Variants in DRC3 observed in about 807,000 individuals in gnomAD.
The protein encoded by DRC3 is leucine rich repeat containing 48.
A neutral mutation model predicts 57.6 loss-of-function variants in DRC3; 45 were observed. The ratio of observed to expected loss-of-function variants is 0.78; its 90% CI spans 0.62 to 1.00. DRC3 has a LOEUF of 1.00. Among genes scored for constraint, DRC3 ranks in the 50% least tolerant of loss-of-function variants. DRC3 has a pLI of 0.00. For synonymous variants in DRC3, 257 were observed against 272.3 expected, an observed-to-expected ratio of 0.94 and a Z score of 0.55; for missense variants, 655 against 675.2, an observed-to-expected ratio of 0.97 and a Z score of 0.33.
chr17:17,993,859 C>T (rs1307361693), intron 6 of DRC3: 9 of 185,190 alleles, frequency 4.9e-5, no homozygotes, highest in Admixed American at 2.2e-4. Flanking sequence ...GCCAGACCCT[C>T]GTGACCAGCC....
Position 17,972,982 on chromosome 17 carries a change from C to A in DRC3, c.-129+8C>A, listed in dbSNP as rs11078409. 1 of 152,070 alleles carries A rather than the reference C, an allele frequency of 6.6e-6. No homozygotes were observed. The highest frequency in any genetic ancestry group is 1.9e-4 in the East Asian group (1 of 5,138). The allele number at this position is 152,070 out of a possible 1,614,324, so 9.4% of individuals were successfully genotyped here. ...TTCCCAGCGCTTGAGAAGGTGAGAC[C>A]TGGGAGCTGAGGCTCCCGGAGGACT... On this transcript the variant is annotated splice_region_variant and intron_variant, in intron 1 of 13. Transcript: ENST00000399187.
intron 10 of DRC3, chr17:18,004,733 T>A (rs2043882512): frequency 2.0e-6 from 1 of 488,280 alleles, no homozygotes. Context: ...ATGGTCCCCC[T>A]ATCCTGGAAG....
At chr17:17,980,655 C>T (rs918878509) in intron 3 of DRC3, among the ~76,000 whole-genome samples, 7 of 140,632 alleles carry the variant, frequency 5.0e-5, no homozygotes, top group Admixed American at 3.8e-4. Flanking sequence ...AGTGCAGTGG[C>T]ACGATCTAGG....
At chr17:18,009,678 G>A (rs2044102045) in intron 12 of DRC3, among the ~76,000 whole-genome samples, 1 of 152,168 alleles carries the variant, frequency 6.6e-6, no homozygotes, top group Non-Finnish European at 1.5e-5. Context: ...AATGTCTACT[G>A]TATAGCAAGA....
intron 5 of DRC3, among the ~76,000 whole-genome samples, chr17:17,991,284 C>CTTTTTTTTT (rs751138192): frequency 1.6e-4 from 12 of 74,002 alleles, no homozygotes; most frequent in East Asian, 4.4e-4. Flanking sequence ...TGAAGTATTG[C>CTTTTTTTTT]TTTTTTTTTT....
chr17:17,989,689 C>G (rs974729926), intron 5 of DRC3: 1 of 152,240 alleles, frequency 6.6e-6, no homozygotes, highest in African/African-American at 2.4e-5. Flanking sequence ...TCGGAAGTGT[C>G]CAGAATGCCT....
In DRC3 at chr17:17,992,872, C is replaced by G; in HGVS notation, c.552C>G (p.Asp184Glu). The change falls in exon 6 of 14, where the codon GAC becomes GAG. Residue 184 changes from aspartate (D) to glutamate (E), a missense_variant. Asp to Glu is a conservative substitution (Grantham distance 45). Transcript: ENST00000399187. ...TGTTCATCTGTGCCTACCTTCCTGA[C>G]CTCATGTACCTGGACTACCGGCGCA... is the stretch of plus-strand genomic sequence containing the variant. ...YKMFICAYLPDLMYLDYRRID... is the reference protein window; with the variant it reads ...YKMFICAYLPELMYLDYRRID... The G allele has an allele frequency of 1.9e-6, 3 of 1,613,986 alleles. No individual in the cohort carries two copies. Among genetic ancestry groups the G allele is most frequent in the Non-Finnish European group, 2.5e-6 (3 of 1,179,876 alleles).
chr17:17,997,511 G>C lies in DRC3; in HGVS notation c.876G>C (p.Leu292=). The part of the protein sequence containing the change: ...IICVNIFEYG[L]KQQEKRKTEL... ...GCGTGAATATTTTTGAGTATGGCCT[G>C]AAACAGCAGGAGAAGCGGAAAACAG... The change falls in exon 9 of 14, where the codon CTG becomes CTC. Residue 292 remains leucine, a synonymous_variant. Coordinates refer to ENST00000399187, the MANE Select transcript of DRC3 (RefSeq NM_031294.4). 1 of 1,612,820 alleles carries C rather than the reference G, an allele frequency of 6.2e-7. No homozygotes were observed. The highest frequency in any genetic ancestry group is 8.5e-7 in the Non-Finnish European group (1 of 1,179,448).
At chr17:18,002,957 G>T (rs898657269) in intron 9 of DRC3, among the ~76,000 whole-genome samples, 1 of 152,118 alleles carries the variant, frequency 6.6e-6, no homozygotes. Context: ...TGAGTAATTT[G>T]TACATGTACA....
At chr17:17,983,397 A>G (rs546182873) in intron 3 of DRC3, among the ~76,000 whole-genome samples, 2 of 152,172 alleles carry the variant, frequency 1.3e-5, no homozygotes, top group Non-Finnish European at 2.9e-5. Flanking sequence ...GAGGCAATCA[A>G]CCCTCCTACC....
chr17:18,000,390 T>C (rs1413631450), intron 9 of DRC3, among the ~76,000 whole-genome samples: 2 of 151,648 alleles, frequency 1.3e-5, no homozygotes, highest in Non-Finnish European at 2.9e-5. Context: ...GTGCATAGCA[T>C]GCCTTGTTCT....
At chr17:17,994,521 C>T (rs1365194641) in intron 7 of DRC3, 103 bp downstream of exon 7, 9 of 1,441,358 alleles carry the variant, frequency 6.2e-6, no homozygotes, top group Non-Finnish European at 8.3e-6. Context: ...TCTGAAAACA[C>T]AGAAATCATG....
At chr17:18,004,554 G>A in intron 10 of DRC3, 60 bp downstream of exon 10, 3 of 1,568,478 alleles carry the variant, frequency 1.9e-6, no homozygotes, top group Non-Finnish European at 2.6e-6. Flanking sequence ...ACATCCATAG[G>A]TGAACTGTAG....
intron 3 of DRC3, among the ~76,000 whole-genome samples, chr17:17,983,142 A>C (rs1203258006): frequency 6.6e-6 from 1 of 152,194 alleles, no homozygotes; most frequent in African/African-American, 2.4e-5. Flanking sequence ...GGTGGTCCTC[A>C]CAGGCCACAG....
At position 18,016,119 on chromosome 17, in the gene DRC3, ACCT is replaced by A; in HGVS notation, c.1386_1388del (p.Leu463del). 1 of 1,613,900 alleles carries A rather than the reference ACCT, an allele frequency of 6.2e-7. No homozygotes were observed. Among genetic ancestry groups the A allele is most frequent in the Non-Finnish European group, 8.5e-7 (1 of 1,179,834 alleles). On this transcript the variant is annotated inframe_deletion, in exon 13 of 14. Transcript: ENST00000399187. ...GCTGTCGGGGCATCGCACGACATCC[ACCT>A]CCTGAAGATTGACAATCGAGAAGAT...
At chr17:18,012,891 A>G (rs2044218002) in intron 12 of DRC3, among the ~76,000 whole-genome samples, 1 of 152,228 alleles carries the variant, frequency 6.6e-6, no homozygotes, top group Admixed American at 6.5e-5. Flanking sequence ...CAATGTGACA[A>G]AATATTTGCA....
At position 17,987,944 on chromosome 17, in the gene DRC3, A is replaced by G. The variant is rs1184045545; in HGVS notation, c.290A>G (p.Asn97Ser). The G allele has an allele frequency of 6.2e-7, 1 of 1,613,912 alleles. No homozygotes were observed. The highest frequency in any genetic ancestry group is 2.2e-5 in the East Asian group (1 of 44,878). ...AHLVWLDLSF[N>S]NIETIEGLDT... Reference sequence around the variant, plus strand: ...CTCTTCTTCCCAGATCTGTCTTTCAACAACATTGAGACCATCGAGGGGCTG... The same window carrying G: ...CTCTTCTTCCCAGATCTGTCTTTCAGCAACATTGAGACCATCGAGGGGCTG... Residue 97 changes from asparagine to serine, a missense_variant, in exon 5 of 14, where the codon AAC (asparagine) becomes AGC (serine). Physicochemically the swap from Asn to Ser is conservative, Grantham distance 46. Coordinates refer to ENST00000399187, the MANE Select transcript of DRC3 (RefSeq NM_031294.4).
intron 12 of DRC3, chr17:18,007,460 G>C: frequency 6.4e-7 from 1 of 1,551,390 alleles, no homozygotes; most frequent in Non-Finnish European, 8.7e-7. Context: ...AGCAGTTACA[G>C]GTAGAGGTTG....
At chr17:17,998,364 T>C (rs759524493) in intron 9 of DRC3, among the ~76,000 whole-genome samples, 9 of 152,180 alleles carry the variant, frequency 5.9e-5, no homozygotes, top group African/African-American at 9.6e-5. Context: ...GCAGGGGCCA[T>C]TGGGAAGGGC....
Sources: gnomAD v4.1 joint callset for allele counts (sites outside exome capture counted in the v4.1 genomes callset) on GRCh38, gnomAD v4.1.1 for gene constraint, MANE v1.5 for transcripts, NCBI Gene and HGNC (gene_info 2026-07-23, HGNC 2026-07-21) for gene names.